Variants in EVA1C observed in about 807,000 individuals in gnomAD.
EVA1C encodes eva-1 homolog C.
In EVA1C, 25 loss-of-function variants were observed where a neutral mutation model predicts 45.4. The ratio of observed to expected loss-of-function variants is 0.55; its 90% CI spans 0.40 to 0.77. EVA1C has a LOEUF of 0.77. EVA1C is among the 30% of genes least tolerant of loss of function. The pLI is 0.00. For missense variants in EVA1C, 479 were observed against 554.8 expected, an observed-to-expected ratio of 0.86 and a Z score of 1.37; for synonymous variants, 190 against 221.2, an observed-to-expected ratio of 0.86 and a Z score of 1.25.
intron 5 of EVA1C, chr21:32,497,169 A>G: frequency 6.3e-6 from 5 of 796,558 alleles, no homozygotes; most frequent in Middle Eastern, 2.3e-4. Context: ...TATCCACTGA[A>G]GATAGTATTT....
intron 1 of EVA1C, among the ~76,000 whole-genome samples, chr21:32,434,593 A>AAAAT (rs202142414): frequency 0.07 from 10,245 of 146,864 alleles, 507 homozygotes; most frequent in Non-Finnish European, 0.1. Flanking sequence ...TCCGTCTCAA[A>AAAAT]AAATAAATAA....
intron 3 of EVA1C, among the ~76,000 whole-genome samples, chr21:32,462,947 C>A (rs1397907990): frequency 6.6e-6 from 1 of 152,180 alleles, no homozygotes; most frequent in African/African-American, 2.4e-5. Context: ...GCTCTGGAGG[C>A]TGTGAGACCC....
intron 7 of EVA1C, among the ~76,000 whole-genome samples, chr21:32,512,611 C>A (rs1297116245): frequency 1.3e-5 from 2 of 152,118 alleles, no homozygotes; most frequent in Non-Finnish European, 2.9e-5. Flanking sequence ...ACCTCAGAGG[C>A]TTGAGCTGGA....
chr21:32,493,715 C>G (rs1338287647), intron 4 of EVA1C: 1 of 152,182 alleles, frequency 6.6e-6, no homozygotes, highest in African/African-American at 2.4e-5. Flanking sequence ...CTCTCTAGCT[C>G]TATTGCAAAT....
chr21:32,495,635 TGA>T (rs2037328093), intron 5 of EVA1C, among the ~76,000 whole-genome samples: 2 of 152,218 alleles, frequency 1.3e-5, no homozygotes, highest in South Asian at 4.1e-4. Flanking sequence ...CCCACAGTGT[TGA>T]GTCAACAGAT....
chr21:32,493,219 G>T (rs1007528401), intron 4 of EVA1C, among the ~76,000 whole-genome samples: 3 of 152,120 alleles, frequency 2.0e-5, no homozygotes, highest in Non-Finnish European at 2.9e-5. Flanking sequence ...CTTTAAGCCT[G>T]TAACTCCCCT....
At position 32,503,549 on chromosome 21, in the gene EVA1C, A is replaced by AAAATAAATAAATAAATAAAT. The variant is rs60401587; in HGVS notation, c.860-358_860-357insTAAATAAATAAATAAATAAA. On this transcript the variant is annotated intron_variant, in intron 6 of 7. Coordinates refer to ENST00000300255, the MANE Select transcript of EVA1C (RefSeq NM_058187.5). ...GCAACAAGAGTGAAACTCCATCTCAAAAATAAATAAATAAATAAAATAAAG... is the reference window on the plus strand; with the variant it reads ...GCAACAAGAGTGAAACTCCATCTCAAAAATAAATAAATAAATAAATAAATAAATAAATAAATAAAATAAAG... 7.7e-4 allele frequency among the ~76,000 whole-genome samples: 115 copies of AAAATAAATAAATAAATAAAT among 149,220 alleles called. 1 individual carries two copies. Among genetic ancestry groups the AAAATAAATAAATAAATAAAT allele is most frequent in the African/African-American group, 1.3e-3 (53 of 39,844 alleles).
At chr21:32,430,352 C>T (rs543117004) in intron 1 of EVA1C, among the ~76,000 whole-genome samples, 3 of 152,190 alleles carry the variant, frequency 2.0e-5, no homozygotes, top group Admixed American at 6.5e-5. Context: ...TGACAGGACC[C>T]GCCAGCAATA....
intron 4 of EVA1C, among the ~76,000 whole-genome samples, chr21:32,479,159 G>A (rs1033961688): frequency 6.6e-6 from 1 of 152,256 alleles, no homozygotes. Flanking sequence ...GGTGGCTCAC[G>A]CCTGTAATCC....
chr21:32,484,659 C>T (rs1174171272), intron 4 of EVA1C, among the ~76,000 whole-genome samples: 1 of 152,170 alleles, frequency 6.6e-6, no homozygotes, highest in Admixed American at 6.5e-5. Flanking sequence ...TCCTCCCCTA[C>T]TTAGAGACTC....
At chr21:32,497,993 G>A (rs1234714432) in intron 5 of EVA1C, among the ~76,000 whole-genome samples, 1 of 152,158 alleles carries the variant, frequency 6.6e-6, no homozygotes, top group Non-Finnish European at 1.5e-5. Flanking sequence ...TTTGGGTGGG[G>A]ACACAGAGCC....
chr21:32,441,999 C>A (rs2833833), intron 1 of EVA1C, among the ~76,000 whole-genome samples: 6,520 of 152,246 alleles, frequency 0.043, 197 homozygotes, highest in Middle Eastern at 0.14. Flanking sequence ...AAGGGCCAGA[C>A]CTTCAAGTGG....
At chr21:32,513,296 C>A (rs1183615080) in intron 7 of EVA1C, among the ~76,000 whole-genome samples, 1 of 148,664 alleles carries the variant, frequency 6.7e-6, no homozygotes, top group Non-Finnish European at 1.5e-5. Context: ...CCTGCCTCAG[C>A]CTCCTGAGTA....
At chr21:32,489,432 C>T (rs1314111114) in intron 4 of EVA1C, among the ~76,000 whole-genome samples, 1 of 152,222 alleles carries the variant, frequency 6.6e-6, no homozygotes, top group African/African-American at 2.4e-5. Context: ...TATTTCTAGG[C>T]TTTCTATTCT....
intron 4 of EVA1C, among the ~76,000 whole-genome samples, chr21:32,470,205 G>C (rs2036318813): frequency 6.6e-6 from 1 of 152,034 alleles, no homozygotes; most frequent in Admixed American, 6.6e-5. Flanking sequence ...CCTTGGACCT[G>C]AAAAAAAGAA....
Position 32,417,157 on chromosome 21 carries a change from T to A in EVA1C, c.160+4144T>A, listed in dbSNP as rs571073017. On this transcript the variant is annotated intron_variant, in intron 1 of 7. Coordinates refer to ENST00000300255, the MANE Select transcript of EVA1C (RefSeq NM_058187.5). ...TGGGCCAGTGTTCCAGTCCCTGCCA[T>A]TGGTAGCCCAAGTGAGCATTAAGTG... is the stretch of plus-strand genomic sequence containing the variant. Among the ~76,000 whole-genome samples, 84 of 152,378 alleles carry A rather than the reference T, an allele frequency of 5.5e-4. 1 individual carries two copies. The highest frequency in any genetic ancestry group is 3.9e-4 in the East Asian group (2 of 5,190).
chr21:32,481,626 G>GA (rs1318442550), intron 4 of EVA1C, among the ~76,000 whole-genome samples: 5 of 151,684 alleles, frequency 3.3e-5, no homozygotes, highest in Middle Eastern at 6.9e-3. Flanking sequence ...AAAATATTCT[G>GA]AAAAAAATGC....
intron 4 of EVA1C, among the ~76,000 whole-genome samples, chr21:32,478,895 C>T (rs1158124937): frequency 6.6e-6 from 1 of 152,230 alleles, no homozygotes; most frequent in African/African-American, 2.4e-5. Context: ...AAGGCCACTC[C>T]GAGGCCAAGT....
intron 7 of EVA1C, among the ~76,000 whole-genome samples, chr21:32,506,678 C>T (rs1239829127): frequency 2.6e-5 from 4 of 152,090 alleles, no homozygotes; most frequent in Non-Finnish European, 5.9e-5. Context: ...GGGAAGCATG[C>T]AGTGCATGCT....
Sources: allele counts gnomAD v4.1 joint callset (sites outside exome capture counted in the v4.1 genomes callset), GRCh38; gene constraint gnomAD v4.1.1; transcripts MANE v1.5; gene names NCBI Gene and HGNC (gene_info 2026-07-23, HGNC 2026-07-21).